TRIM28: variants seen among roughly 807,000 people sequenced by gnomAD.
TRIM28 encodes the protein transcription intermediary factor 1-beta.
Under a neutral mutation model 87.4 loss-of-function variants are expected in TRIM28, and 8 were observed. The observed-to-expected ratio is 0.09, with a 90% CI of 0.05 to 0.17. TRIM28 has a LOEUF of 0.17. Among genes scored for constraint, TRIM28 ranks in the 10% least tolerant of loss-of-function variants. The probability of loss-of-function intolerance (pLI) is 1.00; values close to 1 mark genes in which losing one functional copy is unlikely to be tolerated. For missense variants in TRIM28, 968 were observed against 1,131.8 expected (o/e 0.86, Z 2.08); for synonymous variants, 601 against 454.3 (o/e 1.32, Z -4.11).
rs370894563 is a variant in TRIM28, at chr19:58,548,457, C to T, written c.1217-29C>T. ...TCTGTTATTACCCCACGTGCTGCAC[C>T]TACTTACGTTTCTCTCTTCTTTTTG... On this transcript the variant is annotated intron_variant, in intron 8 of 16. Transcript: ENST00000253024. The T allele has an allele frequency of 5.6e-6, 9 of 1,613,926 alleles. No individual in the cohort carries two copies. The African/African-American group carries it at 6.7e-5, about 12-fold the overall frequency.
chr19:58,549,393 A>G lies in TRIM28; in HGVS notation c.1725A>G (p.Lys575=), dbSNP rs758939665. ...PPTATEGPET[K]PVLMALAEGP... The stretch of plus-strand genomic sequence containing the variant: ...CTGCCACTGAGGGCCCTGAGACCAA[A>G]CCTGTGCTTATGGCTCTTGCGGAGG... The change falls in exon 13 of 17, where the codon AAA becomes AAG. Residue 575 remains lysine, a synonymous_variant. Transcript: ENST00000253024. The surrounding 1 kb of genome is among the most constrained non-coding windows in gnomAD (Gnocchi z 4.4). 2 of 1,588,674 alleles carry G rather than the reference A, an allele frequency of 1.3e-6. No homozygotes were observed. Among genetic ancestry groups the G allele is most frequent in the African/African-American group, 2.7e-5 (2 of 74,292 alleles).
chr19:58,548,022 T>A lies in TRIM28; in HGVS notation c.955-12T>A, dbSNP rs1380218734. 5 of 1,613,940 alleles carry A rather than the reference T, an allele frequency of 3.1e-6. No individual in the cohort carries two copies. Among genetic ancestry groups the A allele is most frequent in the Non-Finnish European group, 4.2e-6 (5 of 1,180,010 alleles). On this transcript the variant is annotated splice_polypyrimidine_tract_variant and intron_variant, in intron 6 of 16. Transcript: ENST00000253024. ...GCCTTCTCTGCTTACCTCATACACC[T>A]TCTATCTGCAGAAGGTGACTGAGGG...
rs180923728 is a variant in TRIM28, at chr19:58,548,842, T to G, written c.1361-20T>G. The G allele has an allele frequency of 3.3e-3, 5,337 of 1,614,040 alleles. 13 individuals are homozygous for G. Among genetic ancestry groups the G allele is most frequent in the Admixed American group, 4.7e-3 (284 of 60,022 alleles). On this transcript the variant is annotated intron_variant, in intron 10 of 16. Coordinates refer to ENST00000253024, the MANE Select transcript of TRIM28 (RefSeq NM_005762.3). ...CTGTTTCTACCCCAACCTGCCAGTC[T>G]TCTTTCTCCATTTTCTAAGGAGATG...
Position 58,550,370 on chromosome 19 carries a change from G to T in TRIM28, c.2332-7G>T, listed in dbSNP as rs763395161. On this transcript the variant is annotated splice_region_variant and splice_polypyrimidine_tract_variant and intron_variant, in intron 16 of 16. Transcript: ENST00000253024. ...CCATTCATCCACTGCATTCCTGCTTGGCCCAGGACAAGGCAGACGTGCAGT... is the reference window on the plus strand; with the variant it reads ...CCATTCATCCACTGCATTCCTGCTTTGCCCAGGACAAGGCAGACGTGCAGT... 1.2e-6 allele frequency: 2 copies of T among 1,613,358 alleles called. No individual in the cohort carries two copies. Among genetic ancestry groups the T allele is most frequent in the Non-Finnish European group, 8.5e-7 (1 of 1,179,330 alleles).
chr19:58,547,837 C>T lies in TRIM28; in HGVS notation c.885C>T (p.Val295=), dbSNP rs755979922. 2 of 1,614,122 alleles carry T rather than the reference C, an allele frequency of 1.2e-6. No individual in the cohort carries two copies. Among genetic ancestry groups the T allele is most frequent in the South Asian group, 1.1e-5 (1 of 91,082 alleles). ...SDVQKRVQVD[V]KMAILQIMKE... ...TACAGAAGCGTGTGCAAGTGGATGT[C>T]AAGATGGCCATCCTGCAGATCATGA... is the stretch of plus-strand genomic sequence containing the variant. The change falls in exon 6 of 17, where the codon GTC becomes GTT. Residue 295 remains valine, a synonymous_variant. Transcript: ENST00000253024.
chr19:58,545,224 C>A, intron 1 of TRIM28, 127 bp downstream of exon 1: 1 of 984,488 alleles, frequency 1.0e-6, no homozygotes, highest in Non-Finnish European at 1.5e-6. Context: ...GAAATACTTT[C>A]TGGGTCCTGC....
Position 58,547,563 on chromosome 19 carries a change from C to T in TRIM28, c.723-34C>T, listed in dbSNP as rs1304624183. The T allele has an allele frequency of 5.0e-6, 8 of 1,613,528 alleles. No homozygotes were observed. The African/African-American group carries it at 9.3e-5, about 19-fold the overall frequency. On this transcript the variant is annotated intron_variant, in intron 4 of 16. Transcript: ENST00000253024. Reference sequence around the variant, plus strand: ...TGGGTGGGTGCCACCCCTTCCGTAGCTTAGTGCTCAGGAACACATCTGTCT... The same window carrying T: ...TGGGTGGGTGCCACCCCTTCCGTAGTTTAGTGCTCAGGAACACATCTGTCT...
At position 58,548,563 on chromosome 19, in the gene TRIM28, C is replaced by T; in HGVS notation, c.1294C>T (p.Leu432=). 11 of 1,613,566 alleles carry T rather than the reference C, an allele frequency of 6.8e-6. No individual in the cohort carries two copies. Among genetic ancestry groups the T allele is most frequent in the Non-Finnish European group, 8.5e-6 (10 of 1,179,908 alleles). The change falls in exon 9 of 17, where the codon CTG becomes TTG. Residue 432 remains leucine (L), a synonymous_variant. Coordinates refer to ENST00000253024, the MANE Select transcript of TRIM28 (RefSeq NM_005762.3). ...GGCCCCTCCAAGAGCCCCAGGGCCC[C>T]TGAGCAAGCAGGGCTCTGGCAGCAG... ...PMAPPRAPGP[L]SKQGSGSSQP...
chr19:58,545,574 G>T, intron 2 of TRIM28, 37 bp downstream of exon 2: 1 of 1,552,764 alleles, frequency 6.4e-7, no homozygotes. Context: ...GAGGTTTCTG[G>T]GGAGGGGGCA....
In TRIM28 at chr19:58,549,266, C is replaced by T; in HGVS notation, c.1662+26C>T. On this transcript the variant is annotated intron_variant, in intron 12 of 16. Coordinates refer to ENST00000253024, the MANE Select transcript of TRIM28 (RefSeq NM_005762.3). This position sits in a 1 kb window ranked among gnomAD's most constrained non-coding sequence, Gnocchi z 4.4. ...GTAAGCCTGTCCCAAGGAACTATAG[C>T]TGTAGGATGAAGCCTGTAGTCCAGG... 1 of 1,604,928 alleles carries T rather than the reference C, an allele frequency of 6.2e-7. No homozygotes were observed. The highest frequency in any genetic ancestry group is 1.3e-5 in the African/African-American group (1 of 74,852).
At position 58,550,519 on chromosome 19, in the gene TRIM28, A is replaced by G. The variant is rs1480697357; in HGVS notation, c.2474A>G (p.Gln825Arg). Residue 825 changes from glutamine (Q) to arginine (R), a missense_variant, in exon 17 of 17, where the codon CAG (glutamine) becomes CGG (arginine). Physicochemically the swap from Gln to Arg is conservative, Grantham distance 43 (BLOSUM62 1). This residue lies in a region of TRIM28 where 192 missense variants were observed against 225.6 expected (regional missense o/e 0.85). Transcript: ENST00000253024. ...MSLPGAGLSS[Q>R]ELSGGPGDGP ...CTGCCTGGTGCTGGCCTGAGTTCCC[A>G]GGAGCTGTCTGGTGGCCCTGGTGAT... 3.1e-6 allele frequency: 5 copies of G among 1,611,426 alleles called. No individual in the cohort carries two copies. The African/African-American group carries it at 6.7e-5, about 22-fold the overall frequency.
Position 58,548,972 on chromosome 19 carries a change from G to GT in TRIM28, c.1410-14dup. ...GAGGGTGGGGGTGTACTCATGCCAG[G>GT]TTGCTGCATCTACAGGTCCCGCTCA... On this transcript the variant is annotated splice_polypyrimidine_tract_variant and intron_variant, in intron 11 of 16. Coordinates refer to ENST00000253024, the MANE Select transcript of TRIM28 (RefSeq NM_005762.3). 1 of 1,614,060 alleles carries GT rather than the reference G, an allele frequency of 6.2e-7. No homozygotes were observed. The highest frequency in any genetic ancestry group is 1.1e-5 in the South Asian group (1 of 91,086).
chr19:58,550,271 A>G lies in TRIM28; in HGVS notation c.2318A>G (p.Asn773Ser). 1 of 1,614,074 alleles carries G rather than the reference A, an allele frequency of 6.2e-7. No homozygotes were observed. The highest frequency in any genetic ancestry group is 8.5e-7 in the Non-Finnish European group (1 of 1,179,996). The change falls in exon 16 of 17, where the codon AAC (asparagine) becomes AGC (serine). Residue 773 changes from asparagine to serine, a missense_variant. By Grantham distance (46) the Asn-to-Ser change is conservative. This residue lies in a region of TRIM28 where 192 missense variants were observed against 225.6 expected (regional missense o/e 0.85). Transcript: ENST00000253024. Reference protein sequence around the residue: ...QDVGRMFKQFNKLTEDKADVQ... With the variant: ...QDVGRMFKQFSKLTEDKADVQ... ...GTGGGCCGCATGTTCAAGCAATTCA[A>G]CAAGTTAACTGAGGTGAGCCAGTGG...
At chr19:58,546,968 G>A (rs2053766438) in intron 3 of TRIM28, among the ~76,000 whole-genome samples, 1 of 150,078 alleles carries the variant, frequency 6.7e-6, no homozygotes, top group South Asian at 2.1e-4. Flanking sequence ...AGTTAACCAT[G>A]AAAGGAGAAG....
chr19:58,544,910 C>G lies in TRIM28; in HGVS notation c.153C>G (p.Pro51=). The change falls in exon 1 of 17, where the codon CCC becomes CCG. Residue 51 remains proline (P), a synonymous_variant. Transcript: ENST00000253024. ...SASASAAASS[P]AGGGAEALEL... is the part of the protein sequence containing the mutation. ...CTGCCTCAGCCGCGGCGTCGTCGCC[C>G]GCGGGGGGCGGCGCCGAGGCGCTGG... 1 of 1,389,704 alleles carries G rather than the reference C, an allele frequency of 7.2e-7. No individual in the cohort carries two copies. The highest frequency in any genetic ancestry group is 9.3e-7 in the Non-Finnish European group (1 of 1,080,386). The allele number at this position is 1,389,704 out of a possible 1,614,324, so 86.1% of individuals were successfully genotyped here.
intron 3 of TRIM28, 128 bp from the exon 4 acceptor site, chr19:58,547,248 C>G: frequency 8.0e-7 from 1 of 1,245,476 alleles, no homozygotes; most frequent in Non-Finnish European, 1.1e-6. Flanking sequence ...CTGGCCACAC[C>G]CTCTACATCT....
At chr19:58,550,356 C>T (rs1568663622) in intron 16 of TRIM28, 21 bp from the exon 17 acceptor site, 1 of 1,613,020 alleles carries the variant, frequency 6.2e-7, no homozygotes, top group East Asian at 2.2e-5. Flanking sequence ...CATTCATCCA[C>T]TGCATTCCTG....
rs1217606480 is a variant in TRIM28 at position 58,550,149 on chromosome 19, C to G, written c.2196C>G (p.Asp732Glu). ...QLATDSTFSL[D>E]QPGGTLDLTL... ...GTATGTGTGATCTCTGCCTGCAGGA[C>G]CAGCCCGGTGGCACCCTGGATCTGA... The change falls in exon 16 of 17, where the codon GAC becomes GAG. Residue 732 changes from aspartate (D) to glutamate (E), a missense_variant and splice_region_variant. By Grantham distance (45) the Asp-to-Glu change is conservative. This residue lies in a region of TRIM28 where 192 missense variants were observed against 225.6 expected (regional missense o/e 0.85). Transcript: ENST00000253024. 4 of 1,613,700 alleles carry G rather than the reference C, an allele frequency of 2.5e-6. No individual in the cohort carries two copies. In the African/African-American group the frequency reaches 4.0e-5, roughly 16 times the overall value.
chr19:58,545,643 T>C, intron 2 of TRIM28, 106 bp downstream of exon 2: 1 of 1,513,328 alleles, frequency 6.6e-7, no homozygotes, highest in Non-Finnish European at 9.0e-7. Flanking sequence ...CCCAAGGCTC[T>C]GGGTGGGCTG....
Sources: allele counts gnomAD v4.1 joint callset (sites outside exome capture counted in the v4.1 genomes callset), GRCh38; gene constraint gnomAD v4.1.1; regional missense constraint gnomAD v4.1.1; non-coding constraint Gnocchi (gnomAD v3.1); transcripts MANE v1.5; gene names NCBI Gene and HGNC (gene_info 2026-07-23, HGNC 2026-07-21).